The following TRPM1 variants were observed in gnomAD, a reference collection of about 807,000 sequenced individuals.
TRPM1 encodes the protein TRPM1-203 APA Isoform, Intron 10.
Under a neutral mutation model 149.4 loss-of-function variants are expected in TRPM1, and 113 were observed. The ratio of observed to expected loss-of-function variants is 0.76; its 90% CI spans 0.65 to 0.88. TRPM1 has a LOEUF of 0.88. Among genes scored for constraint, TRPM1 ranks in the 40% least tolerant of loss-of-function variants. The probability of loss-of-function intolerance (pLI) is 0.00; values close to 1 mark genes in which losing one functional copy is unlikely to be tolerated. For synonymous variants in TRPM1, 741 were observed against 759.5 expected (o/e 0.98, Z 0.40); for missense variants, 1,976 against 2,038.7 (o/e 0.97, Z 0.59).
intron 1 of TRPM1, among the ~76,000 whole-genome samples, chr15:31,144,848 T>C (rs1249007454): frequency 6.6e-6 from 1 of 151,836 alleles, no homozygotes; most frequent in Non-Finnish European, 1.5e-5. Context: ...CCCGAGGAGC[T>C]GGGATTACAG....
rs2031816045 is a variant in TRPM1, at chr15:31,002,477, A to G, written c.4223T>C (p.Val1408Ala). The G allele has an allele frequency of 3.7e-6, 6 of 1,614,090 alleles. No individual in the cohort carries two copies. Among genetic ancestry groups the G allele is most frequent in the African/African-American group, 2.7e-5 (2 of 74,920 alleles). The change falls in exon 28 of 28, where the codon GTG (valine) becomes GCG (alanine). Residue 1408 changes from valine to alanine, a missense_variant. Physicochemically the swap from Val to Ala is moderately conservative, Grantham distance 64 (BLOSUM62 0). Transcript: ENST00000256552. ...TISPSLNKTD[V>A]IHGQDKSDVQ... ...ATCTGATTTGTCCTGTCCATGTATC[A>G]CATCTGTTTTATTTAAACTTGGGGA...
At chr15:31,053,814 T>G (rs2034012180) in intron 11 of TRPM1, among the ~76,000 whole-genome samples, 1 of 152,244 alleles carries the variant, frequency 6.6e-6, no homozygotes, top group Admixed American at 6.5e-5. Flanking sequence ...AGCATTATTC[T>G]AAAACATGGG....
chr15:31,144,120 T>A lies in TRPM1; in HGVS notation c.54+16786A>T, dbSNP rs8033503. Among the ~76,000 whole-genome samples the A allele has an allele frequency of 1.4e-3, 212 of 152,206 alleles. 2 individuals carry two copies. The highest frequency in any genetic ancestry group is 4.9e-3 in the African/African-American group (204 of 41,520). On this transcript the variant is annotated intron_variant, in intron 1 of 26. Transcript: ENST00000542188. The stretch of plus-strand genomic sequence containing the variant: ...CAAAGTCTGATGTCTGCCTTGGTTC[T>A]GCTTCCTAGTATCCAGGTTTTTCAA...
chr15:31,055,704 G>T (rs1463499443), intron 11 of TRPM1, among the ~76,000 whole-genome samples: 1 of 152,172 alleles, frequency 6.6e-6, no homozygotes, highest in African/African-American at 2.4e-5. Context: ...AAAGCAGGAG[G>T]TTCAGGCGAT....
chr15:31,057,316 A>G (rs2034111065), intron 11 of TRPM1, among the ~76,000 whole-genome samples: 1 of 152,198 alleles, frequency 6.6e-6, no homozygotes, highest in Non-Finnish European at 1.5e-5. Flanking sequence ...GCATATTCTC[A>G]TAAGTGGGAG....
At chr15:31,116,285 C>A (rs952263369) in intron 1 of TRPM1, among the ~76,000 whole-genome samples, 3 of 152,126 alleles carry the variant, frequency 2.0e-5, no homozygotes, top group Non-Finnish European at 2.9e-5. Flanking sequence ...GAAGTCACAG[C>A]CCAAGAACAC....
At position 31,053,880 on chromosome 15, in the gene TRPM1, T is replaced by C. The variant is rs2034013694; in HGVS notation, c.1264-3298A>G. On this transcript the variant is annotated intron_variant, in intron 11 of 27. Transcript: ENST00000256552. The stretch of plus-strand genomic sequence containing the variant: ...GGATAAGCAAAATGTGGTCTATCCA[T>C]ATAATGGAATATTATTCAGCCTTAA... Among the ~76,000 whole-genome samples, 3 of 152,208 alleles carry C rather than the reference T, an allele frequency of 2.0e-5. No homozygotes were observed. In the South Asian group the frequency reaches 6.2e-4, roughly 31 times the overall value.
At chr15:31,112,943 A>G (rs775548532) in intron 1 of TRPM1, among the ~76,000 whole-genome samples, 2 of 152,162 alleles carry the variant, frequency 1.3e-5, no homozygotes, top group Admixed American at 6.5e-5. Context: ...TCACATAACG[A>G]AAGTATCACA....
intron 1 of TRPM1, among the ~76,000 whole-genome samples, chr15:31,084,067 G>A (rs577201052): frequency 4.9e-4 from 74 of 152,228 alleles, no homozygotes; most frequent in African/African-American, 1.7e-3. Context: ...CTTTCCTCCG[G>A]GTTTCTAGCC....
chr15:31,145,815 GGTT>G (rs2036217649), intron 1 of TRPM1, among the ~76,000 whole-genome samples: 2 of 151,986 alleles, frequency 1.3e-5, no homozygotes, highest in Admixed American at 6.6e-5. Flanking sequence ...TAGTTGGTTT[GGTT>G]ATAGGGTTGT....
chr15:31,009,675 T>C (rs946849223), intron 27 of TRPM1, among the ~76,000 whole-genome samples: 13 of 152,130 alleles, frequency 8.5e-5, no homozygotes, highest in African/African-American at 2.9e-4. Flanking sequence ...ATAATACAAA[T>C]GTTATACCTT....
chr15:31,113,891 C>G (rs145522930), intron 1 of TRPM1, among the ~76,000 whole-genome samples: 17 of 152,188 alleles, frequency 1.1e-4, no homozygotes, highest in African/African-American at 1.4e-4. Flanking sequence ...ATTGACTTTG[C>G]TGGCTAACGG....
intron 20 of TRPM1, chr15:31,035,979 G>A: frequency 2.3e-6 from 1 of 437,440 alleles, no homozygotes; most frequent in Non-Finnish European, 4.2e-6. Flanking sequence ...ATGATAACGG[G>A]AAACTTTTAA....
At chr15:31,046,064 T>C (rs977230724) in intron 16 of TRPM1, 140 bp downstream of exon 16, 1 of 743,700 alleles carries the variant, frequency 1.3e-6, no homozygotes, top group Non-Finnish European at 2.3e-6. Context: ...AATGTATATA[T>C]GGTCCTTTTA....
chr15:31,121,072 C>G (rs924197770), intron 1 of TRPM1, among the ~76,000 whole-genome samples: 3 of 151,712 alleles, frequency 2.0e-5, no homozygotes, highest in African/African-American at 2.4e-5. Context: ...ACTAAAAACA[C>G]AAAATTTAGC....
rs944717036 is a variant in TRPM1 at position 31,076,948 on chromosome 15, G to A, written c.40C>T (p.Arg14Trp). ...KSWIEKTFCK[R>W]ECIFVIPSMK... ...CTAGGAATTACAAAGATACATTCCC[G>A]TTTGCAAAAGGTTTTCTCTATCCAA... is the stretch of plus-strand genomic sequence containing the variant. The change falls in exon 3 of 28, where the codon CGG (arginine) becomes TGG (tryptophan). Residue 14 changes from arginine (R) to tryptophan (W), a missense_variant. This residue lies in a region of TRPM1 where 1,332 missense variants were observed against 1,347.1 expected (regional missense o/e 0.99). Transcript: ENST00000256552. The A allele has an allele frequency of 2.6e-5, 42 of 1,612,414 alleles. No individual in the cohort carries two copies. The highest frequency in any genetic ancestry group is 5.3e-5 in the African/African-American group (4 of 74,882).
intron 1 of TRPM1, among the ~76,000 whole-genome samples, chr15:31,117,665 T>A (rs199952473): frequency 2.9e-5 from 4 of 135,970 alleles, no homozygotes; most frequent in Non-Finnish European, 4.6e-5. Flanking sequence ...AAAAAAAAAA[T>A]ACACACACAC....
At chr15:31,060,829 T>C (rs2034212777) in intron 10 of TRPM1, among the ~76,000 whole-genome samples, 185 bp from the exon 11 acceptor site, 1 of 152,140 alleles carries the variant, frequency 6.6e-6, no homozygotes, top group African/African-American at 2.4e-5. Context: ...TGGAGGAAGG[T>C]GGAGGCAGCC....
chr15:31,063,096 C>G (rs751696092), intron 8 of TRPM1, 22 bp downstream of exon 8: 1 of 1,614,078 alleles, frequency 6.2e-7, no homozygotes, highest in South Asian at 1.1e-5. Context: ...ACCCGCCCTT[C>G]CTCGCGCGTC....
Sources: gnomAD v4.1 joint callset for allele counts (sites outside exome capture counted in the v4.1 genomes callset) on GRCh38, gnomAD v4.1.1 for gene constraint, gnomAD v4.1.1 regional missense constraint, MANE v1.5 for transcripts, NCBI Gene and HGNC (gene_info 2026-07-23, HGNC 2026-07-21) for gene names.